Variants in ABCC5 observed in about 807,000 individuals in gnomAD.
ABCC5 encodes the protein ATP-binding cassette sub-family C member 5.
A neutral mutation model predicts 160.9 loss-of-function variants in ABCC5; 61 were observed. That is an observed-to-expected ratio of 0.38 (90% confidence interval 0.31 to 0.47). The LOEUF (loss-of-function observed/expected upper bound fraction) is 0.47. Among genes scored for constraint, ABCC5 ranks in the 20% least tolerant of loss-of-function variants. The pLI, the probability that ABCC5 is intolerant of heterozygous loss-of-function variation, is 0.99. For synonymous variants in ABCC5, 666 were observed against 700.6 expected (o/e 0.95, Z 0.78); for missense variants, 1,308 against 1,813.3 (o/e 0.72, Z 5.06).
intron 10 of ABCC5, among the ~76,000 whole-genome samples, chr3:183,975,625 G>T (rs548184035): frequency 3.9e-5 from 6 of 152,090 alleles, no homozygotes; most frequent in Admixed American, 2.6e-4. Context: ...TTACAGGCGT[G>T]AGCCACCAAG....
intron 8 of ABCC5, 50 bp from the exon 9 acceptor site, chr3:183,978,701 G>A (rs1358845409): frequency 6.3e-7 from 1 of 1,588,594 alleles, no homozygotes; most frequent in East Asian, 2.2e-5. Flanking sequence ...AGAAGCCTAG[G>A]GATGTTGTTC....
intron 11 of ABCC5, among the ~76,000 whole-genome samples, chr3:183,970,793 G>A (rs1717668397): frequency 2.0e-5 from 3 of 152,084 alleles, no homozygotes. Context: ...TATTGTATTT[G>A]CTCACGACCT....
chr3:183,957,693 T>C (rs1278246635), intron 17 of ABCC5, among the ~76,000 whole-genome samples: 1 of 151,790 alleles, frequency 6.6e-6, no homozygotes, highest in Non-Finnish European at 1.5e-5. Context: ...GATCCGTGTG[T>C]ATATCACATC....
chr3:183,967,647 T>G (rs998647508), intron 12 of ABCC5, 48 bp downstream of exon 12: 1 of 1,535,852 alleles, frequency 6.5e-7, no homozygotes, highest in Non-Finnish European at 9.0e-7. Context: ...CCTGAGACTC[T>G]TGCAAACCAG....
chr3:183,989,189 T>C, intron 3 of ABCC5, 37 bp downstream of exon 3: 1 of 1,497,318 alleles, frequency 6.7e-7, no homozygotes, highest in Non-Finnish European at 9.0e-7. Context: ...AAAAGGCCTT[T>C]GATGCTTCAC....
At chr3:183,925,834 T>C (rs924035053) in intron 28 of ABCC5, 115 bp from the exon 29 acceptor site, 5 of 1,121,286 alleles carry the variant, frequency 4.5e-6, no homozygotes, top group Non-Finnish European at 6.0e-6. Flanking sequence ...TTGTTTTCTT[T>C]TCTTTCTTTT....
At position 183,987,528 on chromosome 3, in the gene ABCC5, A is replaced by G. The variant is rs754180707; in HGVS notation, c.591+242T>C. On this transcript the variant is annotated intron_variant, in intron 5 of 29. Coordinates refer to ENST00000334444, the MANE Select transcript of ABCC5 (RefSeq NM_005688.4). The surrounding 1 kb of genome is among the most constrained non-coding windows in gnomAD (Gnocchi z 4.2). Reference sequence around the variant, plus strand: ...GAAGCACAGTCCTGTGCAGAACTGGAGTCAGTTCCATTTCACCCCCACCCA... The same window carrying G: ...GAAGCACAGTCCTGTGCAGAACTGGGGTCAGTTCCATTTCACCCCCACCCA... The G allele has an allele frequency of 2.0e-4, 123 of 624,914 alleles. No homozygotes were observed. The highest frequency in any genetic ancestry group is 8.3e-5 in the Non-Finnish European group (29 of 350,010). 38.7% of individuals were successfully genotyped at this position (624,914 alleles called of 1,614,324 possible).
chr3:184,013,692 G>A (rs112451383), intron 2 of ABCC5, among the ~76,000 whole-genome samples: 1 of 152,096 alleles, frequency 6.6e-6, no homozygotes, highest in African/African-American at 2.4e-5. Flanking sequence ...GTTGTCTTCT[G>A]TTAAGTATAG....
At chr3:183,941,706 C>T (rs1027742064) in intron 25 of ABCC5, among the ~76,000 whole-genome samples, 3 of 151,894 alleles carry the variant, frequency 2.0e-5, no homozygotes, top group African/African-American at 2.4e-5. Flanking sequence ...AAAAAGGGGC[C>T]GGGTGCGATG....
chr3:183,930,285 C>G (rs768265426), intron 26 of ABCC5, among the ~76,000 whole-genome samples: 5 of 152,240 alleles, frequency 3.3e-5, no homozygotes, highest in African/African-American at 9.6e-5. Context: ...TTCCTGCTAT[C>G]TGGGCATCTC....
intron 2 of ABCC5, among the ~76,000 whole-genome samples, chr3:183,998,253 T>C (rs978957935): frequency 3.9e-5 from 6 of 152,232 alleles, no homozygotes; most frequent in Admixed American, 3.9e-4. Context: ...ACAGGATATG[T>C]GCTCCAGTAT....
intron 17 of ABCC5, among the ~76,000 whole-genome samples, chr3:183,958,121 G>T (rs1217492531): frequency 6.6e-6 from 1 of 152,162 alleles, no homozygotes; most frequent in Admixed American, 6.5e-5. Flanking sequence ...TATCACATCG[G>T]TTACATGCAG....
intron 18 of ABCC5, among the ~76,000 whole-genome samples, chr3:183,952,267 C>A (rs531132679): frequency 6.6e-6 from 1 of 152,114 alleles, no homozygotes; most frequent in Non-Finnish European, 1.5e-5. Context: ...ATGCCTCAGC[C>A]TCCCAAGTAC....
chr3:183,948,050 G>A (rs760481079), intron 22 of ABCC5, among the ~76,000 whole-genome samples: 22 of 152,132 alleles, frequency 1.4e-4, no homozygotes, highest in Admixed American at 7.9e-4. Flanking sequence ...ACAGCAAAAG[G>A]GACTCAGGCA....
chr3:183,921,415 A>G lies in ABCC5; in HGVS notation c.4213-14T>C. The G allele has an allele frequency of 6.2e-7, 1 of 1,611,022 alleles. No individual in the cohort carries two copies. The highest frequency in any genetic ancestry group is 1.1e-5 in the South Asian group (1 of 90,488). On this transcript the variant is annotated splice_polypyrimidine_tract_variant and intron_variant, in intron 29 of 29. Transcript: ENST00000334444. The surrounding 1 kb of genome is among the most constrained non-coding windows in gnomAD (Gnocchi z 4.1). ...AAACTCCACCACCTGCAAAAGAAGG[A>G]GACGCCGTCAGGACACAGCTCTGGG...
At chr3:183,924,058 C>A (rs1364370206) in intron 29 of ABCC5, among the ~76,000 whole-genome samples, 1 of 147,616 alleles carries the variant, frequency 6.8e-6, no homozygotes, top group Non-Finnish European at 1.5e-5. Flanking sequence ...CTCTGTCACC[C>A]AGGCTGGAGT....
At chr3:183,985,569 G>A (rs1719138202) in intron 5 of ABCC5, 1 of 698,650 alleles carries the variant, frequency 1.4e-6, no homozygotes, top group Admixed American at 2.0e-5. Context: ...AGAGAGCACT[G>A]CAGGAGGCGG....
chr3:183,971,083 T>C (rs1577562699), intron 11 of ABCC5, among the ~76,000 whole-genome samples: 1 of 152,210 alleles, frequency 6.6e-6, no homozygotes, highest in Non-Finnish European at 1.5e-5. Context: ...AGACTAATCT[T>C]GTGCTACCTG....
chr3:183,989,815 G>GT (rs922783751), intron 2 of ABCC5, among the ~76,000 whole-genome samples: 1 of 151,810 alleles, frequency 6.6e-6, no homozygotes. Flanking sequence ...GTTTTTTTGG[G>GT]TTTTTTTGAG....
Sources: gnomAD v4.1 joint callset for allele counts (sites outside exome capture counted in the v4.1 genomes callset) on GRCh38, gnomAD v4.1.1 for gene constraint, Gnocchi (gnomAD v3.1) non-coding constraint, MANE v1.5 for transcripts, NCBI Gene and HGNC (gene_info 2026-07-23, HGNC 2026-07-21) for gene names.